RAP1GAP2: variants seen among roughly 807,000 people sequenced by gnomAD.
RAP1GAP2 encodes the protein RAP1 GTPase activating protein 2.
In RAP1GAP2, 27 loss-of-function variants were observed where a neutral mutation model predicts 95.0. The observed-to-expected ratio is 0.28, with a 90% CI of 0.21 to 0.39. The LOEUF (loss-of-function observed/expected upper bound fraction) is 0.39. Among genes scored for constraint, RAP1GAP2 ranks in the 10% least tolerant of loss-of-function variants. The pLI is 1.00. For synonymous variants in RAP1GAP2, 373 were observed against 380.9 expected (o/e 0.98, Z 0.24); for missense variants, 771 against 970.0 (o/e 0.79, Z 2.72).
At chr17:3,028,135 AAATG>A (rs2034747961) in intron 22 of RAP1GAP2, among the ~76,000 whole-genome samples, 1 of 151,794 alleles carries the variant, frequency 6.6e-6, no homozygotes, top group Non-Finnish European at 1.5e-5. Context: ...TCCAAGCAGA[AAATG>A]AAGGGAGGGG....
At chr17:2,833,145 A>ATT (rs201994901) in intron 2 of RAP1GAP2, among the ~76,000 whole-genome samples, 1 of 140,170 alleles carries the variant, frequency 7.1e-6, no homozygotes, top group Non-Finnish European at 1.6e-5. Context: ...GTTCTTGATA[A>ATT]TTTTTTTTTT....
At chr17:2,828,957 G>T (rs888052584) in intron 2 of RAP1GAP2, among the ~76,000 whole-genome samples, 11 of 144,404 alleles carry the variant, frequency 7.6e-5, no homozygotes, top group South Asian at 2.2e-4. Flanking sequence ...GGGGGGGCAG[G>T]TTCCTGTCTC....
chr17:2,933,078 TC>T (rs2043205772), intron 3 of RAP1GAP2, among the ~76,000 whole-genome samples: 1 of 152,160 alleles, frequency 6.6e-6, no homozygotes, highest in African/African-American at 2.4e-5. Context: ...GGCTGCGGTT[TC>T]CCTCCTCCAT....
intron 2 of RAP1GAP2, among the ~76,000 whole-genome samples, chr17:2,874,558 A>G (rs2073003126): frequency 1.3e-5 from 2 of 152,160 alleles, no homozygotes; most frequent in South Asian, 2.1e-4. Context: ...CGTGGAGAGG[A>G]AAGGAGAAAG....
intron 1 of RAP1GAP2, among the ~76,000 whole-genome samples, chr17:2,758,423 T>C (rs2071189367): frequency 6.6e-6 from 1 of 152,124 alleles, no homozygotes; most frequent in African/African-American, 2.4e-5. Flanking sequence ...TCCGCCTGCC[T>C]CAGCCTCCCA....
At chr17:2,810,016 ACC>A (rs1425621141) in intron 2 of RAP1GAP2, among the ~76,000 whole-genome samples, 2 of 46,810 alleles carry the variant, frequency 4.3e-5, no homozygotes, top group African/African-American at 2.7e-4. Context: ...TTGTGCTGGG[ACC>A]CTCCCCTCCC....
intron 1 of RAP1GAP2, among the ~76,000 whole-genome samples, chr17:2,786,640 ATTT>A (rs35938193): frequency 2.0e-4 from 29 of 144,754 alleles, no homozygotes; most frequent in African/African-American, 5.9e-4. Flanking sequence ...TTTTTCTTCA[ATTT>A]TTTTTTTTTT....
chr17:2,832,889 GA>G (rs2070952848), intron 2 of RAP1GAP2, among the ~76,000 whole-genome samples: 1 of 151,802 alleles, frequency 6.6e-6, no homozygotes, highest in Admixed American at 6.6e-5. Context: ...TGAGGCAGGA[GA>G]CTTGCTGGAA....
At chr17:2,812,317 T>C (rs2069803462) in intron 2 of RAP1GAP2, among the ~76,000 whole-genome samples, 1 of 152,204 alleles carries the variant, frequency 6.6e-6, no homozygotes, top group Non-Finnish European at 1.5e-5. Flanking sequence ...TGTCACTGGG[T>C]TGAGAAGCCT....
chr17:2,770,745 A>G (rs2151434905), intron 2 of RAP1GAP2, among the ~76,000 whole-genome samples: 1 of 152,342 alleles, frequency 6.6e-6, no homozygotes, highest in Admixed American at 6.5e-5. Flanking sequence ...AGAGATTTAC[A>G]AAGCCTGGAG....
chr17:2,789,104 C>CTGGA (rs1159795732), intron 1 of RAP1GAP2, among the ~76,000 whole-genome samples: 5 of 152,124 alleles, frequency 3.3e-5, no homozygotes, highest in Non-Finnish European at 5.9e-5. Context: ...GTCACTCAGG[C>CTGGA]TGGAGTGCAG....
rs560232868 is a variant in RAP1GAP2, at chr17:2,961,382, G to A, written c.202-1288G>A. On this transcript the variant is annotated intron_variant, in intron 4 of 24. Transcript: ENST00000254695. ...ATACAAACATTAGCTGGGCGTGGTG[G>A]TACATGCCTGTAATCTCAGCTACTC... is the stretch of plus-strand genomic sequence containing the variant. 2.6e-5 allele frequency among the ~76,000 whole-genome samples: 4 copies of A among 152,036 alleles called. No homozygotes were observed. The South Asian group carries it at 8.3e-4, about 32-fold the overall frequency.
chr17:2,859,297 G>A (rs1027007584), intron 2 of RAP1GAP2, among the ~76,000 whole-genome samples: 8 of 151,928 alleles, frequency 5.3e-5, no homozygotes, highest in African/African-American at 1.9e-4. Flanking sequence ...TTTTAGTAGA[G>A]ATGGGGTTTT....
upstream of RAP1GAP2, among the ~76,000 whole-genome samples, chr17:2,776,221 G>C (rs1179420794): frequency 2.0e-5 from 3 of 152,170 alleles, no homozygotes; most frequent in Non-Finnish European, 4.4e-5. Flanking sequence ...GGGAGTTTCA[G>C]GGGTCTGAGC....
At position 2,811,648 on chromosome 17, in the gene RAP1GAP2, G is replaced by T. The variant is rs570709192; in HGVS notation, c.80+11098G>T. ...GCTGGAGTGCAATGGCACGATCTTGGTGCATTGCAACCTCTGCCTCCCGGG... is the reference window on the plus strand; with the variant it reads ...GCTGGAGTGCAATGGCACGATCTTGTTGCATTGCAACCTCTGCCTCCCGGG... On this transcript the variant is annotated intron_variant, in intron 2 of 24. Transcript: ENST00000254695. 7.2e-5 allele frequency among the ~76,000 whole-genome samples: 11 copies of T among 152,300 alleles called. No homozygotes were observed. The East Asian group carries it at 1.5e-3, about 21-fold the overall frequency.
At chr17:2,924,850 G>A (rs2042900993) in intron 3 of RAP1GAP2, among the ~76,000 whole-genome samples, 1 of 152,158 alleles carries the variant, frequency 6.6e-6, no homozygotes, top group Non-Finnish European at 1.5e-5. Flanking sequence ...TTCGCCAGAT[G>A]ACCTGTGGCT....
At chr17:2,929,319 A>G (rs185907788) in intron 3 of RAP1GAP2, among the ~76,000 whole-genome samples, 2 of 152,314 alleles carry the variant, frequency 1.3e-5, no homozygotes, top group East Asian at 3.9e-4. Context: ...TGGAGGGGGC[A>G]GGGCCTGTGG....
chr17:2,997,502 C>A (rs2046000537), intron 13 of RAP1GAP2, among the ~76,000 whole-genome samples: 1 of 152,164 alleles, frequency 6.6e-6, no homozygotes, highest in Non-Finnish European at 1.5e-5. Flanking sequence ...CAAGACCCCG[C>A]CTTGCCTTTT....
rs1413598129 is a variant in RAP1GAP2 at position 3,035,047 on chromosome 17, G to A, written c.*1686G>A. Reference sequence around the variant, plus strand: ...GCTTTTGCCATTCAAGCAACATTGTGATCTTTCTTCCCCGCCACGTGTGTG... The same window carrying A: ...GCTTTTGCCATTCAAGCAACATTGTAATCTTTCTTCCCCGCCACGTGTGTG... On this transcript the variant is annotated 3_prime_UTR_variant, in exon 25 of 25. Transcript: ENST00000254695. This position sits in a 1 kb window ranked among gnomAD's most constrained non-coding sequence, Gnocchi z 4.3. 1 of 148,462 alleles carries A rather than the reference G, an allele frequency of 6.7e-6. No individual in the cohort carries two copies. Among genetic ancestry groups the A allele is most frequent in the Non-Finnish European group, 1.5e-5 (1 of 67,610 alleles). 9.2% of individuals were successfully genotyped at this position (148,462 alleles called of 1,614,324 possible). A position where few individuals can be genotyped will look rare whatever the true frequency, so the allele number is the denominator to read the frequency against.
Sources: gnomAD v4.1 joint callset for allele counts (sites outside exome capture counted in the v4.1 genomes callset) on GRCh38, gnomAD v4.1.1 for gene constraint, Gnocchi (gnomAD v3.1) non-coding constraint, MANE v1.5 for transcripts, NCBI Gene and HGNC (gene_info 2026-07-23, HGNC 2026-07-21) for gene names.